ROBO1: variants seen among roughly 807,000 people sequenced by gnomAD.
The protein encoded by ROBO1 is roundabout homolog 1.
ROBO1 carries 149 observed loss-of-function variants against 195.9 expected under a neutral mutation model. The observed-to-expected ratio is 0.76, with a 90% CI of 0.67 to 0.87. ROBO1 has a LOEUF of 0.87. ROBO1 is among the 40% of genes least tolerant of loss of function. The probability of loss-of-function intolerance (pLI) is 0.00; values close to 1 mark genes in which losing one functional copy is unlikely to be tolerated. For synonymous variants in ROBO1, 816 were observed against 733.2 expected (o/e 1.11, Z -1.82); for missense variants, 1,933 against 2,068.3 (o/e 0.93, Z 1.27).
chr3:79,765,750 T>G (rs991982123), intron 1 of ROBO1, among the ~76,000 whole-genome samples: 1 of 152,158 alleles, frequency 6.6e-6, no homozygotes, highest in African/African-American at 2.4e-5. Context: ...CCCCAGGTGC[T>G]CAATCAGTAT....
chr3:79,533,837 T>C (rs146478925), intron 2 of ROBO1, among the ~76,000 whole-genome samples: 19 of 152,218 alleles, frequency 1.2e-4, no homozygotes, highest in African/African-American at 3.6e-4. Context: ...ATACTGATAG[T>C]TTTTTAGTGG....
At chr3:79,032,344 C>G (rs1420726131) in intron 3 of ROBO1, among the ~76,000 whole-genome samples, 2 of 151,536 alleles carry the variant, frequency 1.3e-5, no homozygotes, top group Non-Finnish European at 3.0e-5. Flanking sequence ...ATACTAAATC[C>G]CACATAGTTT....
intron 3 of ROBO1, among the ~76,000 whole-genome samples, chr3:78,993,811 A>G (rs964303798): frequency 1.3e-5 from 2 of 152,152 alleles, no homozygotes; most frequent in Non-Finnish European, 2.9e-5. Context: ...TAAAAACAAG[A>G]TGTTCTCTAA....
intron 1 of ROBO1, among the ~76,000 whole-genome samples, chr3:79,645,762 A>G (rs925201232): frequency 1.3e-5 from 2 of 152,182 alleles, no homozygotes. Flanking sequence ...TGATACTGGT[A>G]TAGGCACAGA....
chr3:79,128,137 G>A (rs969755597), intron 2 of ROBO1, among the ~76,000 whole-genome samples: 2 of 152,078 alleles, frequency 1.3e-5, no homozygotes, highest in African/African-American at 2.4e-5. Context: ...TTGATTATGC[G>A]AGCTATGGAC....
At chr3:79,431,281 C>A (rs1017602633) in intron 2 of ROBO1, among the ~76,000 whole-genome samples, 5 of 152,132 alleles carry the variant, frequency 3.3e-5, no homozygotes, top group African/African-American at 1.2e-4. Context: ...CCATCAATAA[C>A]TTATTTGGTT....
chr3:79,493,677 C>T (rs1380118941), intron 2 of ROBO1, among the ~76,000 whole-genome samples: 1 of 151,012 alleles, frequency 6.6e-6, no homozygotes, highest in Non-Finnish European at 1.5e-5. Context: ...AATTTTATAC[C>T]AAAGGTAAGC....
chr3:78,816,512 A>G (rs1385301483), intron 4 of ROBO1, among the ~76,000 whole-genome samples: 7 of 152,168 alleles, frequency 4.6e-5, no homozygotes, highest in Non-Finnish European at 1.0e-4. Flanking sequence ...TTGTAAGGCT[A>G]TATAGCTGCC....
chr3:78,664,416 G>A (rs1423332411), intron 14 of ROBO1, among the ~76,000 whole-genome samples: 1 of 152,246 alleles, frequency 6.6e-6, no homozygotes, highest in East Asian at 1.9e-4. Flanking sequence ...CACAGACAGG[G>A]CACATGGGTG....
intron 4 of ROBO1, among the ~76,000 whole-genome samples, chr3:78,748,380 G>A (rs770140525): frequency 3.3e-5 from 5 of 152,022 alleles, no homozygotes; most frequent in Non-Finnish European, 7.4e-5. Context: ...AGGAGGTGGC[G>A]GTTGTGGTGA....
rs752623226 is a variant in ROBO1 at position 79,542,851 on chromosome 3, A to G, written c.88+46973T>C. Among the ~76,000 whole-genome samples the G allele has an allele frequency of 4.3e-4, 66 of 152,162 alleles. 1 individual carries two copies. Among genetic ancestry groups the G allele is most frequent in the Non-Finnish European group, 8.8e-4 (60 of 67,960 alleles). Reference sequence around the variant, plus strand: ...AGGTGTGTGATTTGCTCTTTAAGGTAGTAATATCTGCCACATTATTAGCAT... The same window carrying G: ...AGGTGTGTGATTTGCTCTTTAAGGTGGTAATATCTGCCACATTATTAGCAT... On this transcript the variant is annotated intron_variant, in intron 2 of 30. Transcript: ENST00000464233.
chr3:79,163,541 C>G (rs1301405456), intron 2 of ROBO1, among the ~76,000 whole-genome samples: 2 of 152,016 alleles, frequency 1.3e-5, no homozygotes, highest in African/African-American at 4.8e-5. Context: ...TGGGTCTATA[C>G]CCAAAAGTGG....
chr3:79,650,816 A>G (rs1945982680), intron 1 of ROBO1, among the ~76,000 whole-genome samples: 1 of 151,934 alleles, frequency 6.6e-6, no homozygotes, highest in African/African-American at 2.4e-5. Context: ...CAACTGTACC[A>G]TATAAAGGCC....
chr3:79,566,471 T>C (rs1015262876), intron 2 of ROBO1, among the ~76,000 whole-genome samples: 8 of 152,122 alleles, frequency 5.3e-5, no homozygotes, highest in African/African-American at 1.9e-4. Flanking sequence ...CATCAAAAAC[T>C]AATTGTTTAA....
chr3:79,029,985 T>G (rs529815753), intron 3 of ROBO1, among the ~76,000 whole-genome samples: 2 of 152,314 alleles, frequency 1.3e-5, no homozygotes, highest in Admixed American at 6.5e-5. Context: ...CATTAAGCAT[T>G]GTTTTGTGTT....
intron 1 of ROBO1, among the ~76,000 whole-genome samples, chr3:79,740,439 T>A (rs1384417503): frequency 6.6e-6 from 1 of 151,912 alleles, no homozygotes; most frequent in Non-Finnish European, 1.5e-5. Flanking sequence ...TATGAAGAAA[T>A]ACATGAGACT....
At chr3:79,084,594 G>A (rs892069055) in intron 3 of ROBO1, among the ~76,000 whole-genome samples, 2 of 152,134 alleles carry the variant, frequency 1.3e-5, no homozygotes, top group Non-Finnish European at 2.9e-5. Flanking sequence ...TTCCTCAAAT[G>A]CTTTTTATAT....
intron 2 of ROBO1, among the ~76,000 whole-genome samples, chr3:79,138,647 G>A (rs1164761730): frequency 6.6e-6 from 1 of 151,328 alleles, no homozygotes; most frequent in Non-Finnish European, 1.5e-5. Flanking sequence ...TTTTTTTCTT[G>A]TTAAAGGGGA....
At chr3:78,634,093 C>T (rs377490760) in intron 23 of ROBO1, 51 bp from the exon 24 acceptor site, 44 of 1,199,140 alleles carry the variant, frequency 3.7e-5, no homozygotes, top group Admixed American at 1.5e-4. Context: ...TCTTCATGAG[C>T]GATTTCACAT....
Sources: allele counts gnomAD v4.1 joint callset (sites outside exome capture counted in the v4.1 genomes callset), GRCh38; gene constraint gnomAD v4.1.1; transcripts MANE v1.5; gene names NCBI Gene and HGNC (gene_info 2026-07-23, HGNC 2026-07-21).